The following NELL1 variants were observed in gnomAD, a reference collection of about 807,000 sequenced individuals.
NELL1 encodes neural EGFL like 1.
A neutral mutation model predicts 107.4 loss-of-function variants in NELL1; 76 were observed. That is an observed-to-expected ratio of 0.71 (90% CI 0.59 to 0.86). NELL1 has a LOEUF of 0.86. Ranked by LOEUF, NELL1 falls within the 40% of genes least tolerant of loss-of-function variation. NELL1 has a pLI of 0.00. For synonymous variants in NELL1, 353 were observed against 341.2 expected (o/e 1.03, Z -0.38); for missense variants, 1,024 against 1,005.5 (o/e 1.02, Z -0.25).
At chr11:21,419,589 T>A (rs1285203817) in intron 15 of NELL1, among the ~76,000 whole-genome samples, 1 of 152,158 alleles carries the variant, frequency 6.6e-6, no homozygotes, top group African/African-American at 2.4e-5. Flanking sequence ...GAATATTTCT[T>A]ATTACTGGTC....
chr11:21,194,769 C>A (rs1380270004), intron 13 of NELL1, among the ~76,000 whole-genome samples: 1 of 152,136 alleles, frequency 6.6e-6, no homozygotes, highest in Non-Finnish European at 1.5e-5. Flanking sequence ...CTGATTTGAT[C>A]AACTTTCTAA....
At chr11:21,138,231 G>A (rs1292721804) in intron 13 of NELL1, among the ~76,000 whole-genome samples, 1 of 151,914 alleles carries the variant, frequency 6.6e-6, no homozygotes, top group Non-Finnish European at 1.5e-5. Flanking sequence ...TCCTTCCTAG[G>A]GCATTGCGGG....
intron 15 of NELL1, among the ~76,000 whole-genome samples, chr11:21,486,626 A>G (rs1170160590): frequency 6.6e-6 from 1 of 152,154 alleles, no homozygotes; most frequent in Non-Finnish European, 1.5e-5. Context: ...ATGGATCCCA[A>G]TCAGAAATTC....
At chr11:21,208,077 T>C (rs928129939) in intron 13 of NELL1, among the ~76,000 whole-genome samples, 1 of 152,140 alleles carries the variant, frequency 6.6e-6, no homozygotes, top group Admixed American at 6.6e-5. Context: ...TTAGCAGGAA[T>C]CTCAAATACA....
chr11:20,751,051 G>T (rs557860347), intron 2 of NELL1, among the ~76,000 whole-genome samples: 1 of 151,048 alleles, frequency 6.6e-6, no homozygotes, highest in African/African-American at 2.5e-5. Flanking sequence ...TTGTGTGTGT[G>T]TGTGTATATA....
intron 15 of NELL1, among the ~76,000 whole-genome samples, chr11:21,402,955 G>A (rs1852134890): frequency 6.6e-6 from 1 of 151,602 alleles, no homozygotes; most frequent in South Asian, 2.1e-4. Context: ...TGACCTCCTT[G>A]ATATTGGTCA....
chr11:20,771,005 C>T (rs998292070), intron 2 of NELL1: 2 of 145,264 alleles, frequency 1.4e-5, no homozygotes, highest in African/African-American at 2.5e-5. Context: ...CTGGAAAGAC[C>T]CCTCTAGCTT....
At chr11:21,124,249 T>C (rs776718213) in intron 13 of NELL1, among the ~76,000 whole-genome samples, 39 of 152,312 alleles carry the variant, frequency 2.6e-4, no homozygotes, top group Non-Finnish European at 5.0e-4. Context: ...ATTGAGTTTT[T>C]TTCCCCCCGA....
chr11:20,767,319 C>G (rs1425276224), intron 2 of NELL1, among the ~76,000 whole-genome samples: 1 of 152,110 alleles, frequency 6.6e-6, no homozygotes, highest in Non-Finnish European at 1.5e-5. Context: ...CTGGGGTGGC[C>G]AGCTTTTATT....
chr11:21,024,974 T>G (rs920896454), intron 12 of NELL1, among the ~76,000 whole-genome samples: 1 of 152,108 alleles, frequency 6.6e-6, no homozygotes, highest in African/African-American at 2.4e-5. Context: ...ATGAAACACT[T>G]GCAAGCCAGC....
intron 13 of NELL1, chr11:21,170,187 T>A: frequency 1.7e-6 from 1 of 584,168 alleles, no homozygotes; most frequent in Non-Finnish European, 3.1e-6. Context: ...TGAATTAGAA[T>A]AATCCCAAAA....
intron 15 of NELL1, among the ~76,000 whole-genome samples, chr11:21,513,122 A>G (rs961150563): frequency 2.6e-5 from 4 of 152,126 alleles, no homozygotes; most frequent in African/African-American, 7.2e-5. Flanking sequence ...TGCACAGAAG[A>G]GGTACTTGTC....
intron 15 of NELL1, among the ~76,000 whole-genome samples, chr11:21,487,427 G>A (rs1854663241): frequency 6.6e-6 from 1 of 151,906 alleles, no homozygotes. Flanking sequence ...ATCACCACAA[G>A]ATGAGCCCTA....
At chr11:20,697,640 A>G (rs888544259) in intron 2 of NELL1, among the ~76,000 whole-genome samples, 2 of 152,088 alleles carry the variant, frequency 1.3e-5, no homozygotes, top group Non-Finnish European at 2.9e-5. Context: ...AGCCTCAACT[A>G]CGTTACAGTT....
At chr11:20,915,717 A>ATATATATATATATATATTT in intron 5 of NELL1, among the ~76,000 whole-genome samples, 18 of 58,212 alleles carry the variant, frequency 3.1e-4, no homozygotes, top group African/African-American at 4.4e-4. Context: ...ATATATATAT[A>ATATATATATATATATATTT]TTTTTTTTTT....
intron 12 of NELL1, among the ~76,000 whole-genome samples, chr11:21,071,323 T>G (rs1854008629): frequency 6.6e-6 from 1 of 152,196 alleles, no homozygotes; most frequent in Admixed American, 6.6e-5. Context: ...ATACACTCAG[T>G]AAATATTACA....
intron 15 of NELL1, among the ~76,000 whole-genome samples, chr11:21,471,882 G>A (rs1329315100): frequency 6.6e-6 from 1 of 151,988 alleles, no homozygotes; most frequent in Non-Finnish European, 1.5e-5. Flanking sequence ...GCTTCTAATT[G>A]TGTACAGAAA....
chr11:21,325,314 T>A (rs1016372956), intron 14 of NELL1, among the ~76,000 whole-genome samples: 4 of 152,096 alleles, frequency 2.6e-5, no homozygotes, highest in Admixed American at 2.6e-4. Context: ...TTATAAATAA[T>A]GCTTCAGAGG....
At chr11:20,878,382 G>T (rs1235885015) in intron 4 of NELL1, among the ~76,000 whole-genome samples, 4 of 99,078 alleles carry the variant, frequency 4.0e-5, no homozygotes, top group Non-Finnish European at 1.0e-4. Flanking sequence ...AAAAAAAGAT[G>T]CCATTTGATC....
Sources: allele counts gnomAD v4.1 joint callset (sites outside exome capture counted in the v4.1 genomes callset), GRCh38; gene constraint gnomAD v4.1.1; transcripts MANE v1.5; gene names NCBI Gene and HGNC (gene_info 2026-07-23, HGNC 2026-07-21).